Variants in MAGI2 observed in about 807,000 individuals in gnomAD.
MAGI2 encodes the protein membrane associated guanylate kinase, WW and PDZ domain containing 2.
A neutral mutation model predicts 133.3 loss-of-function variants in MAGI2; 35 were observed. The observed-to-expected ratio is 0.26, with a 90% CI of 0.20 to 0.35. MAGI2 has a LOEUF of 0.35. MAGI2 is among the 10% of genes least tolerant of loss of function. The pLI is 1.00. For synonymous variants in MAGI2, 729 were observed against 710.6 expected (o/e 1.03, Z -0.41); for missense variants, 1,636 against 1,863.4 (o/e 0.88, Z 2.25).
intron 3 of MAGI2, among the ~76,000 whole-genome samples, chr7:78,543,554 T>C (rs530353238): frequency 1.7e-4 from 26 of 152,226 alleles, no homozygotes; most frequent in Admixed American, 3.3e-4. Flanking sequence ...AATCAGACTC[T>C]CTCCATAGAA....
In MAGI2 at chr7:78,653,989, C is replaced by A. The variant is rs76600873; in HGVS notation, c.419-26750G>T. 3.9e-3 allele frequency among the ~76,000 whole-genome samples: 587 copies of A among 152,104 alleles called. 31 individuals carry two copies. In the East Asian group the frequency reaches 0.076, roughly 20 times the overall value. ...ATGAATATTGCTCCTTACAGTGATA[C>A]CCTGAAAATTACAAGAAATTGTTCA... On this transcript the variant is annotated intron_variant, in intron 2 of 21. Transcript: ENST00000354212.
chr7:78,723,572 T>A (rs1820472415), intron 2 of MAGI2, among the ~76,000 whole-genome samples: 1 of 152,086 alleles, frequency 6.6e-6, no homozygotes, highest in Non-Finnish European at 1.5e-5. Context: ...AGAGATAGTA[T>A]GAAGGGCAAT....
intron 2 of MAGI2, among the ~76,000 whole-genome samples, chr7:78,780,086 A>T (rs1044707528): frequency 3.3e-5 from 5 of 152,282 alleles, no homozygotes; most frequent in Admixed American, 2.6e-4. Context: ...AGTCCGCAAC[A>T]GTCATGGAAA....
chr7:78,882,007 A>G lies in MAGI2; in HGVS notation c.418+125083T>C, dbSNP rs117090364. 6.4e-3 allele frequency among the ~76,000 whole-genome samples: 952 copies of G among 147,924 alleles called. 5 individuals are homozygous for G. Among genetic ancestry groups the G allele is most frequent in the Non-Finnish European group, 0.011 (722 of 67,010 alleles). ...ACCCAAAAACCCATACCAAATGATC[A>G]GGGAAACCAAAAGTTGATTCTTTGA... On this transcript the variant is annotated intron_variant, in intron 2 of 21. Coordinates refer to ENST00000354212, the MANE Select transcript of MAGI2 (RefSeq NM_012301.4).
At chr7:78,770,149 GAC>G (rs367944990) in intron 2 of MAGI2, among the ~76,000 whole-genome samples, 1 of 152,096 alleles carries the variant, frequency 6.6e-6, no homozygotes, top group Non-Finnish European at 1.5e-5. Context: ...TGGAACAAAA[GAC>G]ACTCTATCTG....
intron 7 of MAGI2, among the ~76,000 whole-genome samples, chr7:78,359,932 A>AT (rs1330435359): frequency 2.0e-5 from 3 of 152,230 alleles, no homozygotes; most frequent in African/African-American, 7.2e-5. Context: ...TAACCTGTAA[A>AT]TTCAAAATTG....
At chr7:78,411,108 T>C (rs569666294) in intron 6 of MAGI2, among the ~76,000 whole-genome samples, 2 of 152,186 alleles carry the variant, frequency 1.3e-5, no homozygotes, top group African/African-American at 2.4e-5. Flanking sequence ...AATTTGGCCA[T>C]TGACTCACAG....
chr7:78,072,966 A>G (rs563323320), intron 21 of MAGI2: 1 of 398,652 alleles, frequency 2.5e-6, no homozygotes, highest in South Asian at 1.3e-4. Context: ...CTGGCAATAT[A>G]TGTTCTTAAA....
intron 10 of MAGI2, among the ~76,000 whole-genome samples, chr7:78,247,324 T>C (rs1347788605): frequency 2.6e-5 from 4 of 152,132 alleles, no homozygotes; most frequent in Admixed American, 1.3e-4. Context: ...GTGCAAAGAC[T>C]ATACCACTGA....
chr7:79,441,339 C>G lies in MAGI2; in HGVS notation c.301+11681G>C, dbSNP rs572597759. Among the ~76,000 whole-genome samples, 380 of 152,284 alleles carry G rather than the reference C, an allele frequency of 2.5e-3. 6 individuals are homozygous for G. The South Asian group carries it at 0.033, about 13-fold the overall frequency. ...AAGATATTCAACTGAAGCAAAGCAT[C>G]TCCTTAGTCAATGTTAAAAGCGTCA... On this transcript the variant is annotated intron_variant, in intron 1 of 21. Transcript: ENST00000354212.
At chr7:79,256,323 T>A (rs1408246848) in intron 1 of MAGI2, among the ~76,000 whole-genome samples, 1 of 152,168 alleles carries the variant, frequency 6.6e-6, no homozygotes, top group East Asian at 1.9e-4. Flanking sequence ...CCAGACTACA[T>A]GCAGCATGGC....
intron 3 of MAGI2, among the ~76,000 whole-genome samples, chr7:78,602,859 T>C (rs1401214712): frequency 1.3e-5 from 2 of 152,244 alleles, no homozygotes; most frequent in Non-Finnish European, 2.9e-5. Context: ...AAAATCATCA[T>C]ATTATTGCAT....
chr7:79,047,597 A>T (rs1416855956), intron 1 of MAGI2, among the ~76,000 whole-genome samples: 1 of 152,132 alleles, frequency 6.6e-6, no homozygotes, highest in African/African-American at 2.4e-5. Flanking sequence ...ATTAGGGAAA[A>T]ACCTCTATTG....
intron 2 of MAGI2, among the ~76,000 whole-genome samples, chr7:78,900,690 C>A (rs1044998275): frequency 6.6e-5 from 10 of 152,146 alleles, no homozygotes; most frequent in African/African-American, 2.2e-4. Flanking sequence ...CTCTATGTTC[C>A]TTTACTGCAC....
intron 2 of MAGI2, among the ~76,000 whole-genome samples, chr7:78,664,297 A>G (rs183920566): frequency 5.2e-4 from 79 of 152,272 alleles, no homozygotes; most frequent in African/African-American, 1.8e-3. Flanking sequence ...CTAACATTTA[A>G]TTTTATTTTA....
chr7:79,452,732 A>G (rs1849369564), intron 1 of MAGI2: 1 of 367,658 alleles, frequency 2.7e-6, no homozygotes, highest in Admixed American at 4.6e-5. Flanking sequence ...CGCACATTCA[A>G]TTTGCCCCAG....
chr7:79,363,069 C>G (rs1459129773), intron 1 of MAGI2, among the ~76,000 whole-genome samples: 1 of 151,596 alleles, frequency 6.6e-6, no homozygotes, highest in Admixed American at 6.6e-5. Flanking sequence ...TACATAAAAA[C>G]TCCAAGAACT....
At chr7:78,427,617 G>T (rs1799405245) in intron 6 of MAGI2, among the ~76,000 whole-genome samples, 1 of 127,916 alleles carries the variant, frequency 7.8e-6, no homozygotes, top group South Asian at 2.7e-4. Flanking sequence ...CATAGTGAAA[G>T]ATTTTAATAC....
At chr7:78,077,886 T>C (rs1172330451) in intron 21 of MAGI2, among the ~76,000 whole-genome samples, 5 of 151,978 alleles carry the variant, frequency 3.3e-5, no homozygotes, top group East Asian at 1.9e-4. Flanking sequence ...TGTGCCACCA[T>C]GCCTGGCTAA....
Sources: allele counts gnomAD v4.1 joint callset (sites outside exome capture counted in the v4.1 genomes callset), GRCh38; gene constraint gnomAD v4.1.1; transcripts MANE v1.5; gene names NCBI Gene and HGNC (gene_info 2026-07-23, HGNC 2026-07-21).